SPTLC1: variants seen among roughly 807,000 people sequenced by gnomAD.
SPTLC1 encodes serine palmitoyltransferase 1.
In SPTLC1, 55 loss-of-function variants were observed where a neutral mutation model predicts 68.9. The ratio of observed to expected loss-of-function variants is 0.80; its 90% CI spans 0.64 to 1.00. The LOEUF (loss-of-function observed/expected upper bound fraction) is 1.00, where lower values mean the gene tolerates loss of function less well. SPTLC1 is among the 50% of genes least tolerant of loss of function. SPTLC1 has a pLI of 0.00. For synonymous variants in SPTLC1, 197 were observed against 201.6 expected (o/e 0.98, Z 0.19); for missense variants, 449 against 573.1 (o/e 0.78, Z 2.21).
At chr9:92,071,440 T>G (rs112348319) in intron 5 of SPTLC1, among the ~76,000 whole-genome samples, 2 of 152,132 alleles carry the variant, frequency 1.3e-5, no homozygotes, top group Non-Finnish European at 2.9e-5. Flanking sequence ...CCTAGAGACA[T>G]GCACAATTTT....
chr9:92,080,592 G>T (rs1834843814), intron 4 of SPTLC1, among the ~76,000 whole-genome samples: 1 of 152,128 alleles, frequency 6.6e-6, no homozygotes, highest in South Asian at 2.1e-4. Flanking sequence ...AGGCTGGAGT[G>T]CAGTGGCACC....
intron 12 of SPTLC1, among the ~76,000 whole-genome samples, chr9:92,038,924 G>A (rs1214956244): frequency 2.0e-5 from 3 of 152,156 alleles, no homozygotes. Flanking sequence ...AAATTACAGG[G>A]ATGATTTCTA....
chr9:92,032,589 C>T, intron 14 of SPTLC1, 31 bp from the exon 15 acceptor site: 1 of 1,613,160 alleles, frequency 6.2e-7, no homozygotes, highest in Non-Finnish European at 8.5e-7. Context: ...AAAGAATTAT[C>T]TTTGTGGGCC....
At chr9:92,078,980 G>A in intron 5 of SPTLC1, 1 of 882,474 alleles carries the variant, frequency 1.1e-6, no homozygotes, top group Non-Finnish European at 1.4e-6. Context: ...AACAAGGATG[G>A]AAGATGGAAG....
rs747451790 is a variant in SPTLC1, at chr9:92,047,755, A to G, written c.889-47T>C. 10 of 1,399,974 alleles carry G rather than the reference A, an allele frequency of 7.1e-6. No homozygotes were observed. In the South Asian group the frequency reaches 1.2e-4, roughly 17 times the overall value. 86.7% of individuals were successfully genotyped at this position (1,399,974 alleles called of 1,614,324 possible). On this transcript the variant is annotated intron_variant, in intron 9 of 14. Transcript: ENST00000262554. ...CAGTTATTCCACAGTTTAAAGAAAA[A>G]AAAGGCCAACTTCAAGCCTAGAGAC...
rs754694582 is a variant in SPTLC1 at position 92,034,796 on chromosome 9, T to C, written c.1328+14A>G. Reference sequence around the variant, plus strand: ...AGGGGAAAAAAATAAGGTCATATTTTAACGTCAACTGACCTGGGAGGAGGG... The same window carrying C: ...AGGGGAAAAAAATAAGGTCATATTTCAACGTCAACTGACCTGGGAGGAGGG... On this transcript the variant is annotated intron_variant, in intron 14 of 14. Transcript: ENST00000262554. The C allele has an allele frequency of 1.9e-6, 3 of 1,611,120 alleles. No individual in the cohort carries two copies. In the African/African-American group the frequency reaches 4.1e-5, roughly 22 times the overall value.
At chr9:92,091,353 A>G (rs1212384001) in intron 3 of SPTLC1, among the ~76,000 whole-genome samples, 1 of 152,234 alleles carries the variant, frequency 6.6e-6, no homozygotes, top group Non-Finnish European at 1.5e-5. Context: ...ATAGCAACAT[A>G]CACAGATTCA....
chr9:92,107,787 T>C (rs1339421244), intron 3 of SPTLC1: 1 of 152,164 alleles, frequency 6.6e-6, no homozygotes, highest in Non-Finnish European at 1.5e-5. Flanking sequence ...TTTCAGAATA[T>C]ATAAAAGTTT....
Position 92,086,310 on chromosome 9 carries a change from G to A in SPTLC1, c.261-5347C>T, listed in dbSNP as rs902412236. Among the ~76,000 whole-genome samples the A allele has an allele frequency of 6.6e-5, 10 of 151,828 alleles. No homozygotes were observed. In the South Asian group the frequency reaches 8.3e-4, roughly 13 times the overall value. On this transcript the variant is annotated intron_variant, in intron 3 of 14. Coordinates refer to ENST00000262554, the MANE Select transcript of SPTLC1 (RefSeq NM_006415.4). The stretch of plus-strand genomic sequence containing the variant: ...ATGATGTTAGCTGGTTATTTTGCTC[G>A]TTAGTTGATGCAGTTTCTTCCTAGT...
At chr9:92,046,082 T>TA in intron 11 of SPTLC1, 29 bp from the exon 12 acceptor site, 1 of 1,586,466 alleles carries the variant, frequency 6.3e-7, no homozygotes, top group Admixed American at 1.7e-5. Flanking sequence ...TTTGAGAGTC[T>TA]ATTTGAAACT....
At chr9:92,063,846 G>A (rs1448682253) in intron 6 of SPTLC1, among the ~76,000 whole-genome samples, 2 of 152,040 alleles carry the variant, frequency 1.3e-5, no homozygotes, top group Non-Finnish European at 1.5e-5. Context: ...AAAAAGATGA[G>A]GTGCAGGAAA....
chr9:92,042,437 T>C (rs12339869), intron 12 of SPTLC1, among the ~76,000 whole-genome samples: 9,230 of 152,244 alleles, frequency 0.061, 826 homozygotes, highest in African/African-American at 0.2. Flanking sequence ...AAGGTCAGTT[T>C]AGAGAAAATA....
chr9:92,039,318 AAGAT>A (rs1833259881), intron 12 of SPTLC1, among the ~76,000 whole-genome samples: 1 of 152,226 alleles, frequency 6.6e-6, no homozygotes, highest in Admixed American at 6.5e-5. Context: ...CTCAAGGAGA[AAGAT>A]AGATCTTTAG....
chr9:92,036,273 G>C (rs1282698658), intron 13 of SPTLC1, among the ~76,000 whole-genome samples: 1 of 152,186 alleles, frequency 6.6e-6, no homozygotes, highest in Non-Finnish European at 1.5e-5. Flanking sequence ...AGGAGTTTGG[G>C]ATCTGTGAGC....
At chr9:92,073,183 T>C (rs1297610381) in intron 5 of SPTLC1, among the ~76,000 whole-genome samples, 1 of 152,186 alleles carries the variant, frequency 6.6e-6, no homozygotes, top group Non-Finnish European at 1.5e-5. Context: ...ATATCTGACC[T>C]TTCCCAAATC....
chr9:92,067,301 A>G (rs1391275570), intron 6 of SPTLC1, among the ~76,000 whole-genome samples: 3 of 139,992 alleles, frequency 2.1e-5, no homozygotes, highest in Non-Finnish European at 4.5e-5. Flanking sequence ...TCCATCTCAC[A>G]CACAAAAAAA....
chr9:92,061,895 A>G (rs898101922), intron 6 of SPTLC1, among the ~76,000 whole-genome samples: 11 of 152,182 alleles, frequency 7.2e-5, no homozygotes, highest in Non-Finnish European at 1.5e-4. Flanking sequence ...ACAGAAAGGC[A>G]GAAAAGAGAA....
At chr9:92,040,769 A>G (rs568090623) in intron 12 of SPTLC1, among the ~76,000 whole-genome samples, 95 of 152,072 alleles carry the variant, frequency 6.2e-4, no homozygotes, top group African/African-American at 2.3e-3. Flanking sequence ...AAAGAAAAAA[A>G]AAAAAAAAGA....
rs1344002764 is a variant in SPTLC1, at chr9:92,055,386, G to C, written c.780+19C>G. On this transcript the variant is annotated intron_variant, in intron 8 of 14. Transcript: ENST00000262554. ...AAATAGTCCAAATATTAAAATTACA[G>C]CTGAACATGGTTGCTTACCAATTCT... is the stretch of plus-strand genomic sequence containing the variant. 1 of 1,612,492 alleles carries C rather than the reference G, an allele frequency of 6.2e-7. No individual in the cohort carries two copies. Among genetic ancestry groups the C allele is most frequent in the Non-Finnish European group, 8.5e-7 (1 of 1,179,996 alleles).
Sources: allele counts gnomAD v4.1 joint callset (sites outside exome capture counted in the v4.1 genomes callset), GRCh38; gene constraint gnomAD v4.1.1; transcripts MANE v1.5; gene names NCBI Gene and HGNC (gene_info 2026-07-23, HGNC 2026-07-21).